The following COG2 variants were observed in gnomAD, a reference collection of about 807,000 sequenced individuals.
COG2 encodes the protein conserved oligomeric Golgi complex subunit 2.
Under a neutral mutation model 90.6 loss-of-function variants are expected in COG2, and 52 were observed. The observed-to-expected ratio is 0.57, with a 90% CI of 0.46 to 0.72. The LOEUF (loss-of-function observed/expected upper bound fraction) is 0.72, where lower values mean the gene tolerates loss of function less well. COG2 is among the 30% of genes least tolerant of loss of function. The pLI, the probability that COG2 is intolerant of heterozygous loss-of-function variation, is 0.00. For missense variants in COG2, 829 were observed against 891.2 expected, an observed-to-expected ratio of 0.93 and a Z score of 0.89; for synonymous variants, 337 against 320.4, an observed-to-expected ratio of 1.05 and a Z score of -0.55.
chr1:230,659,791 T>C (rs1162930683), intron 2 of COG2, among the ~76,000 whole-genome samples, 166 bp downstream of exon 2: 1 of 152,238 alleles, frequency 6.6e-6, no homozygotes, highest in Non-Finnish European at 1.5e-5. Flanking sequence ...TTTCTTGATA[T>C]ACAATTTTGC....
chr1:230,642,669 G>GT lies in COG2; in HGVS notation c.65dup (p.Met23HisfsTer13), dbSNP rs1224911971. 6.2e-7 allele frequency: 1 copy of GT among 1,612,802 alleles called. No homozygotes were observed. On this transcript the variant is annotated frameshift_variant, in exon 1 of 18. Transcript: ENST00000366669. LOFTEE classifies it high-confidence loss of function. ...ACACGCTCTGCTTCGACAAGGACGAGTTCATGAAGGTGCGCGCGGCGTCCG... is the reference window on the plus strand; with the variant it reads ...ACACGCTCTGCTTCGACAAGGACGAGTTTCATGAAGGTGCGCGCGGCGTCCG...
At chr1:230,654,215 C>G (rs1213871433) in intron 1 of COG2, among the ~76,000 whole-genome samples, 1 of 152,106 alleles carries the variant, frequency 6.6e-6, no homozygotes, top group African/African-American at 2.4e-5. Context: ...ATGGTATTGT[C>G]TAGGTTTTCT....
At chr1:230,687,617 A>G (rs75054794) in intron 13 of COG2, among the ~76,000 whole-genome samples, 5,296 of 152,266 alleles carry the variant, frequency 0.035, 131 homozygotes, top group Non-Finnish European at 0.05. Context: ...TTCTCTGTAT[A>G]GATCCGTATG....
At chr1:230,689,898 C>A (rs947384940) in intron 15 of COG2, 116 bp from the exon 16 acceptor site, 2 of 1,026,764 alleles carry the variant, frequency 1.9e-6, no homozygotes, top group Non-Finnish European at 2.8e-6. Flanking sequence ...GGAAGTTGTC[C>A]GTGTCTCAAA....
At chr1:230,656,034 T>C (rs879016617) in intron 1 of COG2, among the ~76,000 whole-genome samples, 1 of 152,158 alleles carries the variant, frequency 6.6e-6, no homozygotes, top group Non-Finnish European at 1.5e-5. Flanking sequence ...TTTGTTGATC[T>C]TTTCAAAAAA....
chr1:230,688,214 G>T (rs762004322), intron 14 of COG2, 71 bp downstream of exon 14: 1 of 1,262,114 alleles, frequency 7.9e-7, no homozygotes, highest in Non-Finnish European at 1.1e-6. Flanking sequence ...AGAGACTGTA[G>T]GGTATATTTA....
chr1:230,691,584 C>T lies in COG2; in HGVS notation c.2115+20C>T. 1.9e-6 allele frequency: 3 copies of T among 1,596,090 alleles called. No homozygotes were observed. The highest frequency in any genetic ancestry group is 1.7e-5 in the Admixed American group (1 of 57,504). On this transcript the variant is annotated intron_variant, in intron 17 of 17. Transcript: ENST00000366669. Reference sequence around the variant, plus strand: ...GAGCAGGTAACCCATCAGCCGCCGGCAGCTCCAGCGAGCCTGAAACCAAAT... The same window carrying T: ...GAGCAGGTAACCCATCAGCCGCCGGTAGCTCCAGCGAGCCTGAAACCAAAT...
intron 9 of COG2, chr1:230,678,213 A>G (rs1313048517): frequency 1.0e-6 from 1 of 985,296 alleles, no homozygotes; most frequent in Admixed American, 6.1e-5. Flanking sequence ...CAACTGACTG[A>G]CTAGCATTCT....
chr1:230,681,354 T>G (rs1281176696), intron 10 of COG2: 1 of 152,212 alleles, frequency 6.6e-6, no homozygotes, highest in Non-Finnish European at 1.5e-5. Context: ...ACATAGTATA[T>G]GCTGAACACA....
At chr1:230,651,637 C>CT (rs1179175030) in intron 1 of COG2, among the ~76,000 whole-genome samples, 16 of 152,274 alleles carry the variant, frequency 1.1e-4, no homozygotes, top group African/African-American at 3.1e-4. Context: ...AGAAATATCT[C>CT]TGAGTATAAA....
chr1:230,688,881 G>C (rs2479136), intron 15 of COG2, among the ~76,000 whole-genome samples: 1 of 151,964 alleles, frequency 6.6e-6, no homozygotes, highest in African/African-American at 2.4e-5. Context: ...AGTCCTATAC[G>C]TTTTTGTCTC....
chr1:230,669,299 G>C (rs1662390699), intron 6 of COG2, 57 bp from the exon 7 acceptor site: 11 of 1,510,412 alleles, frequency 7.3e-6, no homozygotes, highest in South Asian at 1.2e-5. Flanking sequence ...TCTACTTGCA[G>C]TTTCAGAAAC....
intron 1 of COG2, among the ~76,000 whole-genome samples, chr1:230,657,089 G>A (rs929114358): frequency 6.6e-6 from 1 of 152,152 alleles, no homozygotes; most frequent in African/African-American, 2.4e-5. Flanking sequence ...ATATTGTTAT[G>A]TGGAATTTGA....
At chr1:230,642,986 C>G (rs1378537727) in intron 1 of COG2, 1 of 335,582 alleles carries the variant, frequency 3.0e-6, no homozygotes, top group Non-Finnish European at 5.4e-6. Context: ...AGTCAGATTG[C>G]CAGTCCCCTT....
chr1:230,682,861 A>G (rs1454145625), intron 10 of COG2: 1 of 152,226 alleles, frequency 6.6e-6, no homozygotes, highest in Non-Finnish European at 1.5e-5. Context: ...TAGCTTAAAA[A>G]AACTATATAA....
At chr1:230,666,068 C>A (rs1221105365) in intron 5 of COG2, among the ~76,000 whole-genome samples, 1 of 152,138 alleles carries the variant, frequency 6.6e-6, no homozygotes, top group Non-Finnish European at 1.5e-5. Flanking sequence ...TCTTTATCTG[C>A]AGACGAACTT....
intron 5 of COG2, 32 bp from the exon 6 acceptor site, chr1:230,668,644 G>A (rs1036890745): frequency 7.4e-7 from 1 of 1,345,376 alleles, no homozygotes; most frequent in Non-Finnish European, 1.1e-6. Context: ...AGACCTTAGG[G>A]GTTACACTTC....
At chr1:230,668,649 C>T (rs1195694533) in intron 5 of COG2, 27 bp from the exon 6 acceptor site, 3 of 1,431,318 alleles carry the variant, frequency 2.1e-6, no homozygotes, top group Non-Finnish European at 2.9e-6. Flanking sequence ...TTAGGGGTTA[C>T]ACTTCTATAA....
chr1:230,669,328 T>C (rs750502822), intron 6 of COG2, 28 bp from the exon 7 acceptor site: 5 of 1,585,032 alleles, frequency 3.2e-6, no homozygotes, highest in Non-Finnish European at 4.3e-6. Context: ...CTAGAGCTTT[T>C]TTTTTATTTA....
Sources: allele counts gnomAD v4.1 joint callset (sites outside exome capture counted in the v4.1 genomes callset), GRCh38; gene constraint gnomAD v4.1.1; transcripts MANE v1.5; gene names NCBI Gene and HGNC (gene_info 2026-07-23, HGNC 2026-07-21).